Variants in SPATS2 observed in about 807,000 individuals in gnomAD.
The protein encoded by SPATS2 is spermatogenesis-associated serine-rich protein 2.
In SPATS2, 38 loss-of-function variants were observed where a neutral mutation model predicts 63.7. That is an observed-to-expected ratio of 0.60 (90% CI 0.46 to 0.78). The LOEUF is 0.78. Among genes scored for constraint, SPATS2 ranks in the 30% least tolerant of loss-of-function variants. The probability of loss-of-function intolerance (pLI) is 0.00; values close to 1 mark genes in which losing one functional copy is unlikely to be tolerated. For synonymous variants in SPATS2, 207 were observed against 232.9 expected (o/e 0.89, Z 1.01); for missense variants, 588 against 666.2 (o/e 0.88, Z 1.29).
intron 2 of SPATS2, among the ~76,000 whole-genome samples, chr12:49,398,464 C>G (rs1236065035): frequency 6.6e-6 from 1 of 152,068 alleles, no homozygotes; most frequent in African/African-American, 2.4e-5. Flanking sequence ...AAGATAAATT[C>G]AAGAGAATTT....
At chr12:49,381,334 T>C (rs933155487) in intron 2 of SPATS2, among the ~76,000 whole-genome samples, 4 of 152,192 alleles carry the variant, frequency 2.6e-5, no homozygotes, top group Admixed American at 1.3e-4. Context: ...GCTAATACTA[T>C]AGTTGTAATT....
intron 10 of SPATS2, 136 bp downstream of exon 10, chr12:49,514,749 C>G (rs1946810796): frequency 1.4e-6 from 1 of 701,640 alleles, no homozygotes; most frequent in South Asian, 2.1e-5. Context: ...AGCAGTTGCA[C>G]TGTACTGGCA....
intron 1 of SPATS2, among the ~76,000 whole-genome samples, chr12:49,370,592 T>G (rs955226590): frequency 2.0e-5 from 3 of 152,240 alleles, no homozygotes; most frequent in Admixed American, 2.0e-4. Flanking sequence ...AGGATGACAG[T>G]GAAGCTTGCC....
At chr12:49,420,209 T>A (rs1944955659) in intron 2 of SPATS2, among the ~76,000 whole-genome samples, 1 of 152,230 alleles carries the variant, frequency 6.6e-6, no homozygotes, top group African/African-American at 2.4e-5. Context: ...GCTTTTGCAT[T>A]AAAATTTTTT....
intron 3 of SPATS2, among the ~76,000 whole-genome samples, chr12:49,479,651 C>T (rs1350623041): frequency 6.6e-6 from 1 of 152,156 alleles, no homozygotes; most frequent in African/African-American, 2.4e-5. Flanking sequence ...GCTCCCCCTG[C>T]CACCCACTTT....
At chr12:49,519,562 C>G (rs1946903924) in intron 11 of SPATS2, among the ~76,000 whole-genome samples, 1 of 151,406 alleles carries the variant, frequency 6.6e-6, no homozygotes. Context: ...CCCACCCGCC[C>G]CACCCTCCAT....
At chr12:49,421,550 A>G (rs1165836780) in intron 2 of SPATS2, among the ~76,000 whole-genome samples, 1 of 152,146 alleles carries the variant, frequency 6.6e-6, no homozygotes, top group Admixed American at 6.5e-5. Flanking sequence ...AAGGGTACAC[A>G]TTATGCAATG....
chr12:49,440,615 C>G (rs1224133110), intron 2 of SPATS2, among the ~76,000 whole-genome samples: 1 of 151,998 alleles, frequency 6.6e-6, no homozygotes, highest in Non-Finnish European at 1.5e-5. Context: ...ACGACAGGCG[C>G]ACACCACCAC....
intron 9 of SPATS2, 119 bp downstream of exon 9, chr12:49,500,324 T>C (rs1487043088): frequency 2.6e-6 from 3 of 1,160,516 alleles, no homozygotes; most frequent in East Asian, 2.6e-5. Context: ...GAGAGACTTA[T>C]AAATCCTATG....
chr12:49,424,611 C>T (rs1330359498), intron 2 of SPATS2, among the ~76,000 whole-genome samples: 2 of 152,096 alleles, frequency 1.3e-5, no homozygotes, highest in East Asian at 1.9e-4. Flanking sequence ...ATAGTGTTTA[C>T]TGTTAATTGG....
intron 2 of SPATS2, among the ~76,000 whole-genome samples, chr12:49,421,617 C>T (rs574499094): frequency 1.8e-3 from 278 of 152,152 alleles, no homozygotes; most frequent in South Asian, 4.4e-3. Context: ...AAAAGGTTTT[C>T]CCCTACATCA....
rs113203366 is a variant in SPATS2, at chr12:49,483,434, A to G, written c.26-1156A>G. Among the ~76,000 whole-genome samples, 59 of 152,260 alleles carry G rather than the reference A, an allele frequency of 3.9e-4. 3 individuals are homozygous for G. In the South Asian group the frequency reaches 6.6e-3, roughly 17 times the overall value. On this transcript the variant is annotated intron_variant, in intron 3 of 13. Coordinates refer to ENST00000552918, the MANE Select transcript of SPATS2 (RefSeq NM_023071.4). ...CTGTGTCTCTTTTCAATTAATAAAG[A>G]TAATTGGGAGTTAACCATATTATAT...
chr12:49,409,316 G>GT (rs915482254), intron 2 of SPATS2, among the ~76,000 whole-genome samples: 4 of 151,902 alleles, frequency 2.6e-5, no homozygotes, highest in South Asian at 4.2e-4. Context: ...TTTTTGTTTT[G>GT]TTTTTTTGAG....
chr12:49,389,992 G>T (rs1260814277), intron 2 of SPATS2: 2 of 835,692 alleles, frequency 2.4e-6, no homozygotes, highest in East Asian at 2.4e-5. Context: ...CAAGCAACAG[G>T]ATTGCAAGGA....
chr12:49,503,937 A>G (rs188566462), intron 9 of SPATS2, among the ~76,000 whole-genome samples: 166 of 152,338 alleles, frequency 1.1e-3, no homozygotes, highest in Non-Finnish European at 1.1e-3. Context: ...CGTAACAACC[A>G]GGTCAATTTA....
intron 2 of SPATS2, among the ~76,000 whole-genome samples, chr12:49,459,746 C>A (rs1011176350): frequency 3.3e-5 from 4 of 122,436 alleles, no homozygotes; most frequent in Non-Finnish European, 6.9e-5. Flanking sequence ...CACGTCCCCC[C>A]CCCCCCCCAT....
intron 8 of SPATS2, among the ~76,000 whole-genome samples, chr12:49,499,339 T>TG (rs1485094638): frequency 6.6e-6 from 1 of 152,180 alleles, no homozygotes; most frequent in East Asian, 1.9e-4. Flanking sequence ...CTCTGGCTGG[T>TG]GTGAGCACAA....
chr12:49,462,841 C>G (rs1945845518), intron 3 of SPATS2: 1 of 233,674 alleles, frequency 4.3e-6, no homozygotes, highest in Non-Finnish European at 8.4e-6. Context: ...TAGTTCTCCT[C>G]TCTGCCAGCT....
chr12:49,526,371 G>T lies in SPATS2; in HGVS notation c.*116G>T. 1 of 1,265,684 alleles carries T rather than the reference G, an allele frequency of 7.9e-7. No individual in the cohort carries two copies. Among genetic ancestry groups the T allele is most frequent in the Non-Finnish European group, 1.1e-6 (1 of 937,984 alleles). 78.4% of individuals were successfully genotyped at this position (1,265,684 alleles called of 1,614,324 possible). The stretch of plus-strand genomic sequence containing the variant: ...AAGAAGTTTATGCGTATCACTTTTT[G>T]TGCCATTCTAAGTATTTTTGGTTTC... On this transcript the variant is annotated 3_prime_UTR_variant, in exon 14 of 14. Coordinates refer to ENST00000552918, the MANE Select transcript of SPATS2 (RefSeq NM_023071.4).
Sources: gnomAD v4.1 joint callset for allele counts (sites outside exome capture counted in the v4.1 genomes callset) on GRCh38, gnomAD v4.1.1 for gene constraint, MANE v1.5 for transcripts, NCBI Gene and HGNC (gene_info 2026-07-23, HGNC 2026-07-21) for gene names.